TRPM6: variants seen among roughly 807,000 people sequenced by gnomAD.
TRPM6 encodes transient receptor potential cation channel subfamily M member 6.
TRPM6 carries 111 observed loss-of-function variants against 247.6 expected under a neutral mutation model. The observed-to-expected ratio is 0.45, with a 90% CI of 0.38 to 0.52. TRPM6 has a LOEUF of 0.52. Ranked by LOEUF, TRPM6 falls within the 20% of genes least tolerant of loss-of-function variation. TRPM6 has a pLI of 0.00. For missense variants in TRPM6, 2,126 were observed against 2,421.5 expected (o/e 0.88, Z 2.56); for synonymous variants, 892 against 853.8 (o/e 1.04, Z -0.78).
intron 15 of TRPM6, among the ~76,000 whole-genome samples, chr9:74,803,160 A>C (rs940722799): frequency 3.7e-4 from 57 of 152,226 alleles, no homozygotes; most frequent in Non-Finnish European, 6.6e-4. Context: ...CCTCTTTCAT[A>C]CCAGGAGCTA....
At chr9:74,803,084 C>T (rs1357358240) in intron 15 of TRPM6, among the ~76,000 whole-genome samples, 2 of 152,176 alleles carry the variant, frequency 1.3e-5, no homozygotes, top group Non-Finnish European at 2.9e-5. Flanking sequence ...AATCCATTTC[C>T]TCTATTTCTA....
intron 19 of TRPM6, among the ~76,000 whole-genome samples, chr9:74,789,274 C>T (rs187822416): frequency 1.3e-4 from 20 of 152,080 alleles, no homozygotes; most frequent in African/African-American, 4.1e-4. Flanking sequence ...AATTAAGGAC[C>T]GTTTGTCAAT....
At chr9:74,857,016 T>G (rs554241728) in intron 2 of TRPM6, among the ~76,000 whole-genome samples, 1 of 152,210 alleles carries the variant, frequency 6.6e-6, no homozygotes, top group East Asian at 1.9e-4. Flanking sequence ...AAAGACTCAG[T>G]AATTTCATCA....
At chr9:74,825,116 GC>G (rs1405705014) in intron 7 of TRPM6, among the ~76,000 whole-genome samples, 1 of 152,068 alleles carries the variant, frequency 6.6e-6, no homozygotes, top group Non-Finnish European at 1.5e-5. Context: ...AAAAAAATTA[GC>G]CGGGTGTGGT....
chr9:74,739,317 A>G (rs1825787064), intron 35 of TRPM6, 50 bp downstream of exon 35: 1 of 1,497,374 alleles, frequency 6.7e-7, no homozygotes. Context: ...AGAAGACGTG[A>G]TAGAAATTCC....
intron 1 of TRPM6, among the ~76,000 whole-genome samples, chr9:74,865,373 C>T (rs866885870): frequency 6.6e-6 from 1 of 152,180 alleles, no homozygotes; most frequent in African/African-American, 2.4e-5. Context: ...TTTAACCAGT[C>T]TCCTGGGGAA....
intron 1 of TRPM6, among the ~76,000 whole-genome samples, chr9:74,875,512 C>T (rs1831170265): frequency 6.6e-6 from 1 of 152,028 alleles, no homozygotes; most frequent in African/African-American, 2.4e-5. Flanking sequence ...CACTGCACTC[C>T]AGCCTGGGCG....
intron 27 of TRPM6, among the ~76,000 whole-genome samples, chr9:74,757,344 C>T (rs1826462030): frequency 6.6e-6 from 1 of 151,792 alleles, no homozygotes; most frequent in Non-Finnish European, 1.5e-5. Context: ...CTTTGGGAGG[C>T]TGAGGCAGGC....
chr9:74,768,417 A>G (rs1826902389), intron 25 of TRPM6, among the ~76,000 whole-genome samples: 1 of 152,168 alleles, frequency 6.6e-6, no homozygotes. Context: ...CACCAGTTCA[A>G]ATGCTCCCCG....
chr9:74,885,413 G>C lies in TRPM6; in HGVS notation c.33+2411C>G, dbSNP rs114140084. Among the ~76,000 whole-genome samples the C allele has an allele frequency of 9.3e-3, 1,421 of 152,256 alleles. 30 individuals carry two copies. The highest frequency in any genetic ancestry group is 0.033 in the African/African-American group (1,358 of 41,546). ...GAATATCTAGAGATACAGACAAATAGTAACTAGTTAAAAGAGATGAACATG... is the reference window on the plus strand; with the variant it reads ...GAATATCTAGAGATACAGACAAATACTAACTAGTTAAAAGAGATGAACATG... On this transcript the variant is annotated intron_variant, in intron 1 of 38. Transcript: ENST00000360774.
intron 1 of TRPM6, among the ~76,000 whole-genome samples, chr9:74,867,805 GA>G (rs1044796976): frequency 1.3e-5 from 2 of 151,946 alleles, no homozygotes; most frequent in African/African-American, 4.8e-5. Flanking sequence ...AGAAACAAAT[GA>G]AAAGAAAAAT....
At chr9:74,881,412 C>A (rs1414628026) in intron 1 of TRPM6, among the ~76,000 whole-genome samples, 1 of 151,898 alleles carries the variant, frequency 6.6e-6, no homozygotes, top group Non-Finnish European at 1.5e-5. Context: ...AACATATATG[C>A]ACCTAACAAA....
At chr9:74,791,794 T>C (rs1313168488) in intron 19 of TRPM6, among the ~76,000 whole-genome samples, 1 of 152,188 alleles carries the variant, frequency 6.6e-6, no homozygotes, top group Non-Finnish European at 1.5e-5. Flanking sequence ...CTCGCTCTGT[T>C]GCCCAGGCTG....
rs141159434 is a variant in TRPM6, at chr9:74,842,205, C to T, written c.291G>A (p.Thr97=). 6.8e-6 allele frequency: 11 copies of T among 1,613,666 alleles called. No homozygotes were observed. Among genetic ancestry groups the T allele is most frequent in the African/African-American group, 6.7e-5 (5 of 74,902 alleles). The change falls in exon 4 of 39, where the codon ACG becomes ACA. Residue 97 remains threonine, a synonymous_variant. Transcript: ENST00000360774. ...TTKSPTDTFG[T]INFQDGEHTH... ...TGTGCTCTCCATCTTGGAAATTAAT[C>T]GTGCCAAAAGTATCTGTTGGGCTTT...
intron 17 of TRPM6, among the ~76,000 whole-genome samples, chr9:74,797,236 T>C (rs1828129005): frequency 6.6e-6 from 1 of 152,076 alleles, no homozygotes; most frequent in Non-Finnish European, 1.5e-5. Flanking sequence ...ACCAAGGCAA[T>C]GTTGAATATA....
chr9:74,729,564 G>A (rs1050414001), intron 37 of TRPM6, among the ~76,000 whole-genome samples: 10 of 152,218 alleles, frequency 6.6e-5, no homozygotes, highest in Admixed American at 3.9e-4. Context: ...TCACTCAATC[G>A]CTCTTACAGA....
chr9:74,762,989 C>A lies in TRPM6; in HGVS notation c.3682G>T (p.Val1228Phe), dbSNP rs550965585. Residue 1228 changes from valine (V) to phenylalanine (F), a missense_variant, in exon 26 of 39, where the codon GTT becomes TTT. Physicochemically the swap from Val to Phe is conservative, Grantham distance 50 (BLOSUM62 -1). This residue lies in a region of TRPM6 where 717 missense variants were observed against 715.9 expected (regional missense o/e 1.00). Coordinates refer to ENST00000360774, the MANE Select transcript of TRPM6 (RefSeq NM_017662.5). ...TVDTLKVLSA[V>F]DTLQEDEALL... ...GCCTCATCCTCTTGCAAAGTGTCAA[C>A]AGCAGAAAGGACTTTCAGGGTATCC... 1.9e-6 allele frequency: 3 copies of A among 1,612,662 alleles called. No homozygotes were observed. The highest frequency in any genetic ancestry group is 2.5e-6 in the Non-Finnish European group (3 of 1,178,846).
At chr9:74,880,771 A>G (rs187683959) in intron 1 of TRPM6, among the ~76,000 whole-genome samples, 6 of 152,338 alleles carry the variant, frequency 3.9e-5, no homozygotes, top group African/African-American at 1.4e-4. Flanking sequence ...AATAGGACAA[A>G]CACACAAATA....
At chr9:74,826,649 T>A (rs1829338062) in intron 7 of TRPM6, 1 of 152,212 alleles carries the variant, frequency 6.6e-6, no homozygotes, top group East Asian at 1.9e-4. Flanking sequence ...CAGATAAAAC[T>A]ACCAAAATGG....
Sources: gnomAD v4.1 joint callset for allele counts (sites outside exome capture counted in the v4.1 genomes callset) on GRCh38, gnomAD v4.1.1 for gene constraint, gnomAD v4.1.1 regional missense constraint, MANE v1.5 for transcripts, NCBI Gene and HGNC (gene_info 2026-07-23, HGNC 2026-07-21) for gene names.